FRAS1: variants seen among roughly 807,000 people sequenced by gnomAD.
FRAS1 encodes extracellular matrix organizing protein FRAS1.
In FRAS1, 290 loss-of-function variants were observed where a neutral mutation model predicts 435.2. That is an observed-to-expected ratio of 0.67 (90% CI 0.61 to 0.73). The LOEUF is 0.73. Ranked by LOEUF, FRAS1 falls within the 30% of genes least tolerant of loss-of-function variation. The pLI, the probability that FRAS1 is intolerant of heterozygous loss-of-function variation, is 0.00. For missense variants in FRAS1, 4,860 were observed against 5,001.5 expected (o/e 0.97, Z 0.85); for synonymous variants, 1,800 against 1,851.0 (o/e 0.97, Z 0.71).
At chr4:78,336,942 C>T (rs780097041) in intron 19 of FRAS1, among the ~76,000 whole-genome samples, 5 of 152,144 alleles carry the variant, frequency 3.3e-5, no homozygotes, top group South Asian at 2.1e-4. Flanking sequence ...TCTTTGCCAC[C>T]CTTATCCTTA....
chr4:78,462,685 G>A (rs1472786715), intron 47 of FRAS1, among the ~76,000 whole-genome samples: 6 of 152,156 alleles, frequency 3.9e-5, no homozygotes, highest in Non-Finnish European at 8.8e-5. Context: ...TTAAAGAATG[G>A]TATGGATTTC....
chr4:78,083,487 G>A (rs745642399), intron 2 of FRAS1, among the ~76,000 whole-genome samples: 3 of 152,070 alleles, frequency 2.0e-5, no homozygotes, highest in Non-Finnish European at 4.4e-5. Flanking sequence ...GAAAGAAAGA[G>A]CAGAATGAGA....
chr4:78,221,195 A>G (rs1221725703), intron 2 of FRAS1, among the ~76,000 whole-genome samples: 1 of 152,232 alleles, frequency 6.6e-6, no homozygotes, highest in African/African-American at 2.4e-5. Flanking sequence ...ATAACCAGTT[A>G]TGTTTTTTAA....
chr4:78,387,670 A>G lies in FRAS1; in HGVS notation c.3944A>G (p.Asn1315Ser). Residue 1315 changes from asparagine to serine, a missense_variant, in exon 29 of 74, where the codon AAT (asparagine) becomes AGT (serine). Physicochemically the swap from Asn to Ser is conservative, Grantham distance 46 (BLOSUM62 1). Coordinates refer to ENST00000512123, the MANE Select transcript of FRAS1 (RefSeq NM_025074.7). Reference protein sequence around the residue: ...LQANDGHSFHNILFQVKTVPQ... With the variant: ...LQANDGHSFHSILFQVKTVPQ... Reference sequence around the variant, plus strand: ...GCCAATGATGGACACTCCTTCCATAATATACTGTTCCAAGTGAAGACCGTG... The same window carrying G: ...GCCAATGATGGACACTCCTTCCATAGTATACTGTTCCAAGTGAAGACCGTG... 6.3e-7 allele frequency: 1 copy of G among 1,578,314 alleles called. No homozygotes were observed. Among genetic ancestry groups the G allele is most frequent in the Non-Finnish European group, 8.6e-7 (1 of 1,159,240 alleles).
intron 14 of FRAS1, among the ~76,000 whole-genome samples, chr4:78,307,706 G>A (rs2110219307): frequency 6.6e-6 from 1 of 152,360 alleles, no homozygotes; most frequent in East Asian, 1.9e-4. Flanking sequence ...GCCTCGCCCT[G>A]CTTCGGCTGG....
At chr4:78,270,459 G>A (rs374199072) in intron 9 of FRAS1, among the ~76,000 whole-genome samples, 3 of 152,120 alleles carry the variant, frequency 2.0e-5, no homozygotes, top group South Asian at 4.1e-4. Flanking sequence ...CATTTATGGA[G>A]TGCCTACCCT....
intron 16 of FRAS1, among the ~76,000 whole-genome samples, chr4:78,316,198 T>C (rs1333464811): frequency 6.6e-6 from 1 of 152,254 alleles, no homozygotes; most frequent in Admixed American, 6.5e-5. Flanking sequence ...GTGCTACTTA[T>C]ATATTGTTTC....
chr4:78,178,292 G>A (rs965113821), intron 2 of FRAS1, among the ~76,000 whole-genome samples: 1 of 152,130 alleles, frequency 6.6e-6, no homozygotes, highest in Non-Finnish European at 1.5e-5. Flanking sequence ...ACCTTAAAAG[G>A]GATTTCTGCT....
intron 61 of FRAS1, among the ~76,000 whole-genome samples, chr4:78,504,586 C>T (rs1279574570): frequency 1.3e-5 from 2 of 152,120 alleles, no homozygotes; most frequent in African/African-American, 4.8e-5. Context: ...GTGGATCTTC[C>T]TCCATCCCTT....
At chr4:78,116,608 C>A (rs1654489931) in intron 2 of FRAS1, among the ~76,000 whole-genome samples, 1 of 152,096 alleles carries the variant, frequency 6.6e-6, no homozygotes, top group Non-Finnish European at 1.5e-5. Context: ...CTCTTTTGAT[C>A]TTTCTTGGTT....
intron 61 of FRAS1, among the ~76,000 whole-genome samples, chr4:78,502,897 C>T (rs1189134881): frequency 1.3e-5 from 2 of 152,108 alleles, no homozygotes; most frequent in African/African-American, 4.8e-5. Context: ...CCATCAATAC[C>T]TAGTTTATTG....
intron 2 of FRAS1, among the ~76,000 whole-genome samples, chr4:78,204,386 T>A (rs911963269): frequency 6.6e-6 from 1 of 152,240 alleles, no homozygotes; most frequent in Non-Finnish European, 1.5e-5. Context: ...GGGAAAGACT[T>A]TCATTTTGCC....
intron 2 of FRAS1, among the ~76,000 whole-genome samples, chr4:78,152,592 A>G (rs1720712696): frequency 8.9e-6 from 1 of 112,332 alleles, no homozygotes; most frequent in Admixed American, 9.1e-5. Context: ...TGTGTTCTTC[A>G]TTTCATGTAG....
intron 66 of FRAS1, among the ~76,000 whole-genome samples, chr4:78,516,596 A>G (rs1349486385): frequency 6.6e-6 from 1 of 152,242 alleles, no homozygotes; most frequent in African/African-American, 2.4e-5. Context: ...GACAAACCAG[A>G]GACTGGTAAT....
At chr4:78,166,015 T>C (rs1426197891) in intron 2 of FRAS1, among the ~76,000 whole-genome samples, 3 of 152,134 alleles carry the variant, frequency 2.0e-5, no homozygotes, top group Non-Finnish European at 4.4e-5. Context: ...GGGTGAAGAA[T>C]TGCAGCATGT....
At chr4:78,518,422 GTA>G (rs71216219) in intron 66 of FRAS1, among the ~76,000 whole-genome samples, 11,313 of 135,402 alleles carry the variant, frequency 0.084, 448 homozygotes, top group African/African-American at 0.11. Flanking sequence ...TTTTTGTTGT[GTA>G]TATATATATA....
chr4:78,363,412 G>T, intron 20 of FRAS1, 101 bp from the exon 21 acceptor site: 1 of 1,175,212 alleles, frequency 8.5e-7, no homozygotes, highest in African/African-American at 1.5e-5. Context: ...GCTGTCAGCT[G>T]CAGTGTTTGT....
At chr4:78,068,502 C>T (rs1048805744) in intron 2 of FRAS1, 2 of 455,912 alleles carry the variant, frequency 4.4e-6, no homozygotes, top group Admixed American at 4.7e-5. Context: ...GGGAGGATGG[C>T]AGGGGTCAGA....
chr4:78,302,057 A>T (rs1212765982), intron 14 of FRAS1, among the ~76,000 whole-genome samples: 4 of 135,700 alleles, frequency 2.9e-5, no homozygotes, highest in African/African-American at 5.6e-5. Flanking sequence ...TCCTGTGTCC[A>T]TGTGTTCTCA....
Sources: allele counts gnomAD v4.1 joint callset (sites outside exome capture counted in the v4.1 genomes callset), GRCh38; gene constraint gnomAD v4.1.1; transcripts MANE v1.5; gene names NCBI Gene and HGNC (gene_info 2026-07-23, HGNC 2026-07-21).